The following STPG2 variants were observed in gnomAD, a reference collection of about 807,000 sequenced individuals.
STPG2 encodes the protein sperm-tail PG-rich repeat-containing protein 2.
Under a neutral mutation model 54.2 loss-of-function variants are expected in STPG2, and 56 were observed. That is an observed-to-expected ratio of 1.03 (90% CI 0.83 to 1.29). STPG2 has a LOEUF of 1.29. Among genes scored for constraint, STPG2 ranks in the 50% most tolerant of loss-of-function variants. The pLI, the probability that STPG2 is intolerant of heterozygous loss-of-function variation, is 0.00. For synonymous variants in STPG2, 200 were observed against 181.8 expected, an observed-to-expected ratio of 1.10 and a Z score of -0.81; for missense variants, 596 against 544.9, an observed-to-expected ratio of 1.09 and a Z score of -0.93.
chr4:97,628,507 G>C (rs917972643), intron 10 of STPG2, among the ~76,000 whole-genome samples: 12 of 151,988 alleles, frequency 7.9e-5, no homozygotes, highest in Admixed American at 2.0e-4. Flanking sequence ...TATAATTTGT[G>C]ATTTGTATTT....
Position 97,589,671 on chromosome 4 carries a change from T to C in STPG2, c.1321-30554A>G, listed in dbSNP as rs1456646441. On this transcript the variant is annotated intron_variant, in intron 10 of 10. Transcript: ENST00000295268. ...TAGTGCAAATGCACCATAGGCAATA[T>C]ACAGTAATGTGCCACGTCATGAATG... Among the ~76,000 whole-genome samples, 4 of 152,148 alleles carry C rather than the reference T, an allele frequency of 2.6e-5. No homozygotes were observed. In the South Asian group the frequency reaches 8.3e-4, roughly 32 times the overall value.
intron 4 of STPG2, among the ~76,000 whole-genome samples, chr4:97,541,558 T>C (rs1731706073): frequency 6.6e-6 from 1 of 152,122 alleles, no homozygotes; most frequent in East Asian, 1.9e-4. Context: ...AGGTAATTTA[T>C]AGATTCAATG....
At chr4:97,719,365 T>C (rs1443788892) in intron 9 of STPG2, among the ~76,000 whole-genome samples, 3 of 151,938 alleles carry the variant, frequency 2.0e-5, no homozygotes, top group African/African-American at 7.2e-5. Flanking sequence ...ATATATTTTA[T>C]GTTGTTCATG....
chr4:97,838,242 A>T (rs1728690666), intron 9 of STPG2, among the ~76,000 whole-genome samples: 1 of 151,476 alleles, frequency 6.6e-6, no homozygotes, highest in Non-Finnish European at 1.5e-5. Context: ...AGGGTAAAGA[A>T]ACTTCTTTTC....
chr4:97,507,561 A>C (rs1392386462), intron 4 of STPG2, among the ~76,000 whole-genome samples: 1 of 152,040 alleles, frequency 6.6e-6, no homozygotes, highest in Non-Finnish European at 1.5e-5. Context: ...AAAATCCTCC[A>C]TAAGACTGCC....
chr4:97,445,255 T>C (rs1045178723), intron 4 of STPG2, among the ~76,000 whole-genome samples: 1 of 152,190 alleles, frequency 6.6e-6, no homozygotes, highest in Non-Finnish European at 1.5e-5. Flanking sequence ...TAACAAGATA[T>C]ATAATAGAAG....
At chr4:97,814,164 T>C (rs1578587550) in intron 9 of STPG2, among the ~76,000 whole-genome samples, 2 of 152,318 alleles carry the variant, frequency 1.3e-5, no homozygotes, top group South Asian at 4.1e-4. Context: ...TTTGTATTGT[T>C]GAGATATATT....
At chr4:97,688,878 G>A (rs1375411312) in intron 10 of STPG2, among the ~76,000 whole-genome samples, 1 of 152,038 alleles carries the variant, frequency 6.6e-6, no homozygotes, top group African/African-American at 2.4e-5. Flanking sequence ...CCAATTTAAG[G>A]TCTTTCCTTC....
At chr4:97,905,715 C>G (rs1306278389) in intron 8 of STPG2, among the ~76,000 whole-genome samples, 6 of 152,036 alleles carry the variant, frequency 3.9e-5, no homozygotes, top group Non-Finnish European at 8.8e-5. Context: ...AAACCCATCT[C>G]ACGTGCAGAG....
At chr4:97,979,728 CTT>C (rs769113705) in intron 6 of STPG2, among the ~76,000 whole-genome samples, 12 of 140,128 alleles carry the variant, frequency 8.6e-5, no homozygotes, top group Non-Finnish European at 9.4e-5. Flanking sequence ...TCCACAATTT[CTT>C]TTTTTTTTTT....
intron 4 of STPG2, among the ~76,000 whole-genome samples, chr4:97,470,004 T>A (rs1299158357): frequency 6.6e-6 from 1 of 152,094 alleles, no homozygotes; most frequent in Non-Finnish European, 1.5e-5. Context: ...AAATAGAAAT[T>A]TACATGAGTA....
intron 9 of STPG2, among the ~76,000 whole-genome samples, chr4:97,782,607 C>A (rs987631653): frequency 6.6e-6 from 1 of 152,004 alleles, no homozygotes; most frequent in Non-Finnish European, 1.5e-5. Context: ...ACGAAAAAAG[C>A]GCCTGCATTG....
At chr4:98,123,884 A>G (rs2110158077) in intron 3 of STPG2, among the ~76,000 whole-genome samples, 1 of 152,278 alleles carries the variant, frequency 6.6e-6, no homozygotes, top group South Asian at 2.1e-4. Flanking sequence ...GGGCCCATAT[A>G]TTTTTAGAAT....
In STPG2 at chr4:97,487,165, C is replaced by A. The variant is rs563309328; in HGVS notation, c.462+225534G>T. On this transcript the variant is annotated intron_variant, in intron 4 of 4. Transcript: ENST00000522676. ...GCAGTGTATACTTAACTCATATAAC[C>A]AAATATCACCTGTCTATACCCCAAT... Among the ~76,000 whole-genome samples, 9 of 150,020 alleles carry A rather than the reference C, an allele frequency of 6.0e-5. No individual in the cohort carries two copies. In the East Asian group the frequency reaches 1.8e-3, roughly 30 times the overall value.
chr4:97,480,750 T>C (rs573690976), intron 4 of STPG2, among the ~76,000 whole-genome samples: 15 of 151,758 alleles, frequency 9.9e-5, no homozygotes, highest in African/African-American at 3.4e-4. Context: ...TTCAAATATT[T>C]TGCTTACTTT....
intron 9 of STPG2, among the ~76,000 whole-genome samples, chr4:97,798,393 C>T (rs543198793): frequency 2.0e-5 from 3 of 152,088 alleles, no homozygotes; most frequent in Non-Finnish European, 2.9e-5. Context: ...TCTTTGTTCT[C>T]GTTGGTTTCA....
intron 5 of STPG2, among the ~76,000 whole-genome samples, chr4:98,026,795 C>T (rs1275641842): frequency 6.6e-6 from 1 of 152,178 alleles, no homozygotes; most frequent in Admixed American, 6.5e-5. Context: ...CCTTCTCTCT[C>T]TCTCTTTCTC....
At chr4:97,835,698 G>A (rs1728611644) in intron 9 of STPG2, among the ~76,000 whole-genome samples, 1 of 152,060 alleles carries the variant, frequency 6.6e-6, no homozygotes, top group Non-Finnish European at 1.5e-5. Context: ...TCTGGGATCT[G>A]GGCAAAGTAA....
Position 97,736,583 on chromosome 4 carries a change from A to G in STPG2, c.1205-23769T>C, listed in dbSNP as rs192251547. Among the ~76,000 whole-genome samples, 893 of 152,268 alleles carry G rather than the reference A, an allele frequency of 5.9e-3. 5 individuals are homozygous for G. Among genetic ancestry groups the G allele is most frequent in the Middle Eastern group, 0.02 (6 of 294 alleles). On this transcript the variant is annotated intron_variant, in intron 9 of 10. Transcript: ENST00000295268. The stretch of plus-strand genomic sequence containing the variant: ...TCCCGCACCTGGCTCAGAGGGTCCT[A>G]TGCCCACGGAGTCTCACTGATTGCT...
Sources: allele counts gnomAD v4.1 joint callset (sites outside exome capture counted in the v4.1 genomes callset), GRCh38; gene constraint gnomAD v4.1.1; transcripts MANE v1.5; gene names NCBI Gene and HGNC (gene_info 2026-07-23, HGNC 2026-07-21).